DOCK2: variants seen among roughly 807,000 people sequenced by gnomAD.
DOCK2 encodes the protein dedicator of cytokinesis protein 2.
DOCK2 carries 87 observed loss-of-function variants against 248.9 expected under a neutral mutation model. The ratio of observed to expected loss-of-function variants is 0.35; its 90% CI spans 0.29 to 0.42. The LOEUF (loss-of-function observed/expected upper bound fraction) is 0.42. DOCK2 is among the 10% of genes least tolerant of loss of function. The pLI, the probability that DOCK2 is intolerant of heterozygous loss-of-function variation, is 1.00. For missense variants in DOCK2, 1,747 were observed against 2,300.2 expected, an observed-to-expected ratio of 0.76 and a Z score of 4.92; for synonymous variants, 805 against 821.6, an observed-to-expected ratio of 0.98 and a Z score of 0.35.
At chr5:169,693,782 C>T (rs561620995) in intron 9 of DOCK2, among the ~76,000 whole-genome samples, 4 of 152,120 alleles carry the variant, frequency 2.6e-5, no homozygotes, top group Non-Finnish European at 5.9e-5. Context: ...GTTTGCGATC[C>T]TAAAGGCAGG....
At chr5:169,874,801 G>T (rs1561785389) in intron 27 of DOCK2, among the ~76,000 whole-genome samples, 1 of 152,268 alleles carries the variant, frequency 6.6e-6, no homozygotes, top group Middle Eastern at 3.4e-3. Context: ...GGAAGGAACG[G>T]TTACAGCTGA....
chr5:169,987,468 A>G (rs1391215862), intron 29 of DOCK2, among the ~76,000 whole-genome samples: 1 of 152,228 alleles, frequency 6.6e-6, no homozygotes, highest in African/African-American at 2.4e-5. Flanking sequence ...GTTACCAGAA[A>G]GAGGACTAAA....
intron 6 of DOCK2, among the ~76,000 whole-genome samples, chr5:169,678,195 G>GA (rs1171408207): frequency 6.6e-6 from 1 of 151,468 alleles, no homozygotes; most frequent in Non-Finnish European, 1.5e-5. Context: ...ATGTTTCAAG[G>GA]GTATACTTAA....
intron 38 of DOCK2, 131 bp downstream of exon 38, chr5:170,042,263 T>G: frequency 1.7e-6 from 2 of 1,159,786 alleles, no homozygotes; most frequent in South Asian, 1.6e-5. Context: ...ATCACTTCTC[T>G]CCACTTCCTC....
chr5:169,936,549 G>T (rs1475385797), intron 27 of DOCK2, among the ~76,000 whole-genome samples: 4 of 150,036 alleles, frequency 2.7e-5, no homozygotes, highest in Non-Finnish European at 4.4e-5. Flanking sequence ...TGGGCATGTT[G>T]GGGAGAATCA....
chr5:169,826,630 C>G (rs1210079425), intron 26 of DOCK2, among the ~76,000 whole-genome samples: 1 of 151,920 alleles, frequency 6.6e-6, no homozygotes, highest in Non-Finnish European at 1.5e-5. Context: ...TGACTCACTG[C>G]GAGTGAGACT....
At chr5:169,660,296 T>C (rs1052005588) in intron 2 of DOCK2, among the ~76,000 whole-genome samples, 2 of 152,128 alleles carry the variant, frequency 1.3e-5, no homozygotes, top group Non-Finnish European at 2.9e-5. Context: ...ATCATGCCAC[T>C]GCACTCCAGA....
At chr5:169,938,904 T>TC (rs1776108734) in intron 27 of DOCK2, among the ~76,000 whole-genome samples, 1 of 127,698 alleles carries the variant, frequency 7.8e-6, no homozygotes, top group Non-Finnish European at 1.7e-5. Context: ...TTCTTTTTTT[T>TC]CTTTTCTTTT....
rs79044164 is a variant in DOCK2 at position 169,938,139 on chromosome 5, C to T, written c.2800-44929C>T. ...TACTTGCAAGACAAAATGCTCCCTG[C>T]CTCTCTAAAGCTTGCAGTCTATTCA... On this transcript the variant is annotated intron_variant, in intron 27 of 51. Coordinates refer to ENST00000520908, the MANE Select transcript of DOCK2 (RefSeq NM_004946.3). Among the ~76,000 whole-genome samples, 590 of 152,308 alleles carry T rather than the reference C, an allele frequency of 3.9e-3. 10 individuals are homozygous for T. Among genetic ancestry groups the T allele is most frequent in the East Asian group, 0.028 (146 of 5,192 alleles).
chr5:169,662,745 C>T (rs1006625930), intron 2 of DOCK2, among the ~76,000 whole-genome samples: 5 of 152,016 alleles, frequency 3.3e-5, no homozygotes, highest in African/African-American at 7.3e-5. Context: ...TGGGGGAAAC[C>T]GTCCCTATGA....
chr5:169,894,071 A>G (rs141345583), intron 27 of DOCK2, among the ~76,000 whole-genome samples: 178 of 152,332 alleles, frequency 1.2e-3, no homozygotes, highest in Admixed American at 2.4e-3. Flanking sequence ...ACTAAAAACG[A>G]CAGACTCCAG....
chr5:169,848,588 G>A (rs181919011), intron 27 of DOCK2, among the ~76,000 whole-genome samples: 91 of 152,360 alleles, frequency 6.0e-4, no homozygotes, highest in Middle Eastern at 3.4e-3. Context: ...ATCAACCAGG[G>A]AACTTGAACA....
intron 9 of DOCK2, chr5:169,695,126 A>G (rs1421445903): frequency 2.6e-5 from 4 of 152,258 alleles, no homozygotes; most frequent in Non-Finnish European, 5.9e-5. Flanking sequence ...TTTAAAAGCC[A>G]GAAGTGATTT....
intron 33 of DOCK2, among the ~76,000 whole-genome samples, chr5:170,022,734 T>C (rs1309570533): frequency 6.6e-6 from 1 of 152,146 alleles, no homozygotes. Context: ...TACCTGCTCA[T>C]AGGTCTGTGT....
intron 26 of DOCK2, among the ~76,000 whole-genome samples, chr5:169,808,335 A>T (rs763522659): frequency 6.6e-6 from 1 of 152,122 alleles, no homozygotes; most frequent in Non-Finnish European, 1.5e-5. Context: ...ATGGGACAGG[A>T]TGCTTGTCTT....
intron 25 of DOCK2, among the ~76,000 whole-genome samples, chr5:169,802,045 G>A (rs541264471): frequency 8.6e-5 from 13 of 151,644 alleles, no homozygotes; most frequent in Non-Finnish European, 1.9e-4. Flanking sequence ...TTTCCTCAAG[G>A]TTTTCTGTTT....
At chr5:169,816,351 G>C (rs2113211029) in intron 26 of DOCK2, among the ~76,000 whole-genome samples, 1 of 152,298 alleles carries the variant, frequency 6.6e-6, no homozygotes, top group South Asian at 2.1e-4. Flanking sequence ...TTCTCAGGGA[G>C]GTTTTCAGAT....
intron 22 of DOCK2, among the ~76,000 whole-genome samples, chr5:169,734,602 A>G (rs1214460682): frequency 6.6e-6 from 1 of 152,236 alleles, no homozygotes; most frequent in Non-Finnish European, 1.5e-5. Context: ...CAAGCAAGGA[A>G]CATGAATTGG....
intron 22 of DOCK2, among the ~76,000 whole-genome samples, chr5:169,720,561 G>A (rs557532185): frequency 2.0e-5 from 3 of 151,690 alleles, no homozygotes; most frequent in African/African-American, 4.9e-5. Context: ...AACCAGCTGC[G>A]CTAATCCTCA....
Sources: gnomAD v4.1 joint callset for allele counts (sites outside exome capture counted in the v4.1 genomes callset) on GRCh38, gnomAD v4.1.1 for gene constraint, MANE v1.5 for transcripts, NCBI Gene and HGNC (gene_info 2026-07-23, HGNC 2026-07-21) for gene names.